The following ITPR1 variants were observed in gnomAD, a reference collection of about 807,000 sequenced individuals.
ITPR1 encodes inositol 1,4,5-trisphosphate-gated calcium channel ITPR1.
In ITPR1, 96 loss-of-function variants were observed where a neutral mutation model predicts 318.4. The observed-to-expected ratio is 0.30, with a 90% CI of 0.26 to 0.36. The LOEUF (loss-of-function observed/expected upper bound fraction) is 0.36, where lower values mean the gene tolerates loss of function less well. Ranked by LOEUF, ITPR1 falls within the 10% of genes least tolerant of loss-of-function variation. The pLI is 1.00. For missense variants in ITPR1, 2,440 were observed against 3,460.2 expected, an observed-to-expected ratio of 0.71 and a Z score of 7.40; for synonymous variants, 1,312 against 1,289.9, an observed-to-expected ratio of 1.02 and a Z score of -0.37.
At chr3:4,549,861 CAT>C (rs1246644037) in intron 4 of ITPR1, among the ~76,000 whole-genome samples, 1 of 152,186 alleles carries the variant, frequency 6.6e-6, no homozygotes, top group East Asian at 1.9e-4. Context: ...AATGCCCCCA[CAT>C]AGTCGGAACC....
rs147005080 is a variant in ITPR1 at position 4,798,477 on chromosome 3, G to T, written c.6932-1948G>T. 1.1e-4 allele frequency among the ~76,000 whole-genome samples: 17 copies of T among 152,360 alleles called. No homozygotes were observed. The East Asian group carries it at 2.9e-3, about 26-fold the overall frequency. On this transcript the variant is annotated intron_variant, in intron 53 of 61. Coordinates refer to ENST00000649015, the MANE Select transcript of ITPR1 (RefSeq NM_001378452.1). Reference sequence around the variant, plus strand: ...CAAGTATTGGTGATGCTGTGGATCAGATGGAACTGTCATACACGGCTGGTG... The same window carrying T: ...CAAGTATTGGTGATGCTGTGGATCATATGGAACTGTCATACACGGCTGGTG...
At chr3:4,743,198 T>C (rs1262645840) in intron 44 of ITPR1, among the ~76,000 whole-genome samples, 1 of 152,264 alleles carries the variant, frequency 6.6e-6, no homozygotes. Flanking sequence ...CCTCCTACTT[T>C]ATCTGCCTTT....
chr3:4,596,485 G>A (rs1461051623), intron 4 of ITPR1, among the ~76,000 whole-genome samples: 1 of 152,160 alleles, frequency 6.6e-6, no homozygotes, highest in African/African-American at 2.4e-5. Context: ...AAGCTAGCAC[G>A]GTTGGAACAT....
intron 18 of ITPR1, among the ~76,000 whole-genome samples, chr3:4,669,258 G>A (rs964700411): frequency 3.9e-5 from 6 of 152,142 alleles, no homozygotes; most frequent in Non-Finnish European, 7.4e-5. Flanking sequence ...CCAAATGAAC[G>A]CTCCATAGCA....
intron 60 of ITPR1, among the ~76,000 whole-genome samples, chr3:4,819,839 A>C (rs1161592795): frequency 6.6e-6 from 1 of 152,200 alleles, no homozygotes; most frequent in East Asian, 1.9e-4. Flanking sequence ...GACTGGGGAG[A>C]AAAAGACACA....
intron 2 of ITPR1, among the ~76,000 whole-genome samples, chr3:4,504,552 C>T (rs145368913): frequency 3.6e-4 from 55 of 152,184 alleles, no homozygotes; most frequent in African/African-American, 1.2e-3. Context: ...TTTCTGAGGA[C>T]GATCTGATTA....
intron 4 of ITPR1, among the ~76,000 whole-genome samples, chr3:4,607,372 A>C (rs989476181): frequency 6.6e-6 from 1 of 152,086 alleles, no homozygotes; most frequent in African/African-American, 2.4e-5. Flanking sequence ...CTTGCCTTAG[A>C]ATCACCTGAG....
intron 4 of ITPR1, among the ~76,000 whole-genome samples, chr3:4,604,093 G>A (rs1043016675): frequency 3.9e-5 from 6 of 152,148 alleles, no homozygotes; most frequent in African/African-American, 9.7e-5. Context: ...TAGTGATGTT[G>A]AGCGTTTTTT....
chr3:4,758,378 G>A (rs1259745325), intron 44 of ITPR1, among the ~76,000 whole-genome samples: 1 of 152,156 alleles, frequency 6.6e-6, no homozygotes, highest in Non-Finnish European at 1.5e-5. Context: ...TCCACCCTGG[G>A]ACACATACAT....
chr3:4,545,688 A>G (rs1176943888), intron 4 of ITPR1, among the ~76,000 whole-genome samples: 4 of 146,540 alleles, frequency 2.7e-5, no homozygotes, highest in Admixed American at 6.9e-5. Context: ...GCTAGTATGC[A>G]AACTTTTTTT....
intron 13 of ITPR1, among the ~76,000 whole-genome samples, chr3:4,660,162 C>T (rs1444625592): frequency 6.6e-6 from 1 of 152,122 alleles, no homozygotes; most frequent in African/African-American, 2.4e-5. Context: ...GGTTTTAGAT[C>T]TTTGGAATAT....
intron 61 of ITPR1, among the ~76,000 whole-genome samples, chr3:4,838,341 G>C (rs564867891): frequency 1.4e-5 from 2 of 143,166 alleles, no homozygotes; most frequent in African/African-American, 5.2e-5. Flanking sequence ...CATTTTACCC[G>C]CCCCCCGCCG....
intron 44 of ITPR1, among the ~76,000 whole-genome samples, chr3:4,737,436 G>T (rs1220918022): frequency 1.3e-5 from 2 of 152,196 alleles, no homozygotes; most frequent in Non-Finnish European, 2.9e-5. Flanking sequence ...TGGACCTGGG[G>T]CATAAGGAAT....
intron 49 of ITPR1, 89 bp from the exon 50 acceptor site, chr3:4,782,530 G>A (rs952057727): frequency 1.5e-6 from 2 of 1,358,788 alleles, no homozygotes; most frequent in South Asian, 1.6e-5. Flanking sequence ...TTCCCTGGGA[G>A]GGGAGACAGC....
rs527772767 is a variant in ITPR1, at chr3:4,589,171, A to G, written c.164-38592A>G. Among the ~76,000 whole-genome samples, 825 of 152,326 alleles carry G rather than the reference A, an allele frequency of 5.4e-3. 3 individuals carry two copies. Among genetic ancestry groups the G allele is most frequent in the Non-Finnish European group, 9.8e-3 (668 of 68,030 alleles). ...AATGCTGTCTCATTGTGTCTCAAAA[A>G]AAATACACACATATATGTGTATATA... is the stretch of plus-strand genomic sequence containing the variant. On this transcript the variant is annotated intron_variant, in intron 4 of 61. Transcript: ENST00000649015.
At chr3:4,711,998 G>GAA (rs1396114219) in intron 39 of ITPR1, 130 bp downstream of exon 39, 5 of 522,200 alleles carry the variant, frequency 9.6e-6, no homozygotes, top group Non-Finnish European at 1.7e-5. Context: ...AAGAAAGAAA[G>GAA]AAAGAAAAAG....
At chr3:4,681,227 C>G (rs771806962) in intron 25 of ITPR1, 137 bp from the exon 26 acceptor site, 14 of 657,652 alleles carry the variant, frequency 2.1e-5, no homozygotes, top group Non-Finnish European at 2.8e-5. Flanking sequence ...AGTCACTCTG[C>G]ATAGCTTTGC....
At position 4,528,946 on chromosome 3, in the gene ITPR1, C is replaced by G. The variant is rs572514982; in HGVS notation, c.163+7852C>G. ...AACAAAACTGTAATTTAAGTCAATT[C>G]CCTGGGCAACATAGAATGTTCACAG... is the stretch of plus-strand genomic sequence containing the variant. On this transcript the variant is annotated intron_variant, in intron 4 of 61. Transcript: ENST00000649015. Among the ~76,000 whole-genome samples, 6 of 152,298 alleles carry G rather than the reference C, an allele frequency of 3.9e-5. No individual in the cohort carries two copies. The South Asian group carries it at 1.0e-3, about 26-fold the overall frequency.
In ITPR1 at chr3:4,702,813, C is replaced by G. The variant is rs367699792; in HGVS notation, c.4537-17C>G. The G allele has an allele frequency of 1.5e-4, 247 of 1,612,642 alleles. 1 individual carries two copies. The South Asian group carries it at 2.6e-3, about 17-fold the overall frequency. On this transcript the variant is annotated splice_polypyrimidine_tract_variant and intron_variant, in intron 35 of 61. Transcript: ENST00000649015. ...TAAAAATCTGTTTTTCACGTTGCCT[C>G]TTTTGGCTTCTTGCAGACTCGCCAG...
Sources: allele counts gnomAD v4.1 joint callset (sites outside exome capture counted in the v4.1 genomes callset), GRCh38; gene constraint gnomAD v4.1.1; transcripts MANE v1.5; gene names NCBI Gene and HGNC (gene_info 2026-07-23, HGNC 2026-07-21).